The following DCUN1D4 variants were observed in gnomAD, a reference collection of about 807,000 sequenced individuals.
DCUN1D4 encodes DCN1-like protein 4.
A neutral mutation model predicts 47.9 loss-of-function variants in DCUN1D4; 22 were observed. The ratio of observed to expected loss-of-function variants is 0.46; its 90% CI spans 0.33 to 0.66. The LOEUF (loss-of-function observed/expected upper bound fraction) is 0.66. Among genes scored for constraint, DCUN1D4 ranks in the 30% least tolerant of loss-of-function variants. The pLI is 0.02. For missense variants in DCUN1D4, 301 were observed against 340.8 expected, an observed-to-expected ratio of 0.88 and a Z score of 0.92; for synonymous variants, 121 against 112.2, an observed-to-expected ratio of 1.08 and a Z score of -0.50.
chr4:51,838,964 A>C (rs1274163273), upstream of DCUN1D4, among the ~76,000 whole-genome samples: 1 of 152,098 alleles, frequency 6.6e-6, no homozygotes, highest in Non-Finnish European at 1.5e-5. Flanking sequence ...AATCCCAGCT[A>C]CTTGAGAGGC....
chr4:51,853,625 A>C (rs1011969247), intron 1 of DCUN1D4, among the ~76,000 whole-genome samples: 1 of 152,172 alleles, frequency 6.6e-6, no homozygotes, highest in African/African-American at 2.4e-5. Context: ...GCATGTTAGA[A>C]TCACCTGGGC....
At chr4:51,888,265 G>GGATT (rs894470859) in intron 6 of DCUN1D4, among the ~76,000 whole-genome samples, 6 of 152,026 alleles carry the variant, frequency 3.9e-5, no homozygotes, top group Admixed American at 3.9e-4. Flanking sequence ...GGTATGTGAG[G>GGATT]GATTAGCTGA....
chr4:51,841,237 C>T (rs1411133079), upstream of DCUN1D4, among the ~76,000 whole-genome samples: 2 of 150,328 alleles, frequency 1.3e-5, no homozygotes, highest in African/African-American at 4.9e-5. Context: ...CCATGGTAAA[C>T]GGTAAAAAAA....
Position 51,916,321 on chromosome 4 carries a change from T to C in DCUN1D4, c.*2737T>C, listed in dbSNP as rs994672828. On this transcript the variant is annotated 3_prime_UTR_variant, in exon 11 of 11. Transcript: ENST00000334635. Reference sequence around the variant, plus strand: ...TTTTTGAAGCATGAACTCTGAATTATGTTTTTATAAATCTGACTAGGCAAA... The same window carrying C: ...TTTTTGAAGCATGAACTCTGAATTACGTTTTTATAAATCTGACTAGGCAAA... The C allele has an allele frequency of 4.6e-5, 7 of 152,514 alleles. No individual in the cohort carries two copies. Among genetic ancestry groups the C allele is most frequent in the African/African-American group, 1.7e-4 (7 of 41,428 alleles). The allele number at this position is 152,514 out of a possible 1,614,324, so 9.4% of individuals were successfully genotyped here. A position where few individuals can be genotyped will look rare whatever the true frequency, so the allele number is the denominator to read the frequency against.
the DCUN1D4 span, among the ~76,000 whole-genome samples, chr4:51,835,694 T>C: frequency 6.6e-6 from 1 of 151,818 alleles, no homozygotes. Context: ...AGGAGCTGCT[T>C]GGGGCCTCGG....
At chr4:51,856,718 A>T (rs1478186078) in intron 1 of DCUN1D4, among the ~76,000 whole-genome samples, 11 of 152,236 alleles carry the variant, frequency 7.2e-5, no homozygotes, top group African/African-American at 2.7e-4. Flanking sequence ...AACATGAACC[A>T]TTGAGTGCCT....
At chr4:51,862,410 G>A (rs754904380) in intron 1 of DCUN1D4, among the ~76,000 whole-genome samples, 4 of 152,196 alleles carry the variant, frequency 2.6e-5, no homozygotes, top group Non-Finnish European at 4.4e-5. Flanking sequence ...TCCAGCCCAA[G>A]CACAGACACC....
intron 1 of DCUN1D4, among the ~76,000 whole-genome samples, chr4:51,861,178 C>T (rs979117832): frequency 3.9e-5 from 6 of 152,072 alleles, no homozygotes; most frequent in African/African-American, 1.4e-4. Context: ...ATTGGTAGAC[C>T]TGAGATTTGA....
chr4:51,852,488 A>T (rs939808443), intron 1 of DCUN1D4, among the ~76,000 whole-genome samples: 2 of 152,186 alleles, frequency 1.3e-5, no homozygotes, highest in Non-Finnish European at 2.9e-5. Flanking sequence ...TAAGCCACAG[A>T]TCACTTCTTA....
chr4:51,904,545 G>A (rs1336757948), intron 8 of DCUN1D4, among the ~76,000 whole-genome samples: 2 of 152,184 alleles, frequency 1.3e-5, no homozygotes, highest in East Asian at 1.9e-4. Flanking sequence ...AAGATTGCTA[G>A]GCTCAGTTTT....
chr4:51,850,287 T>C (rs887141491), intron 1 of DCUN1D4, among the ~76,000 whole-genome samples: 3 of 152,208 alleles, frequency 2.0e-5, no homozygotes, highest in African/African-American at 7.2e-5. Context: ...CGCACAGAAG[T>C]GTCTTGAGTT....
intron 1 of DCUN1D4, among the ~76,000 whole-genome samples, chr4:51,857,044 AC>A (rs1222325564): frequency 6.6e-6 from 1 of 152,114 alleles, no homozygotes; most frequent in East Asian, 1.9e-4. Flanking sequence ...CTCGACTCAT[AC>A]CGTATTGTGA....
chr4:51,846,431 C>A (rs1722558008), intron 1 of DCUN1D4, among the ~76,000 whole-genome samples: 1 of 152,108 alleles, frequency 6.6e-6, no homozygotes, highest in African/African-American at 2.4e-5. Context: ...CTCTGTGTAC[C>A]CCTACTGGCA....
Position 51,899,337 on chromosome 4 carries a change from A to G in DCUN1D4, c.574A>G (p.Asn192Asp). 1.2e-6 allele frequency: 2 copies of G among 1,608,930 alleles called. No homozygotes were observed. Among genetic ancestry groups the G allele is most frequent in the South Asian group, 2.2e-5 (2 of 90,184 alleles). ...YLRSFLNDST[N>D]FKLIYRYAFD... ...AAGATCATTCTTAAATGATTCTACA[A>G]ACTTTAAACTTATTTACAGATATGC... Residue 192 changes from asparagine (N) to aspartate (D), a missense_variant, in exon 8 of 11, where the codon AAC (asparagine) becomes GAC (aspartate). By Grantham distance (23) the Asn-to-Asp change is conservative. This residue lies in a region of DCUN1D4 where 170 missense variants were observed against 234.5 expected (regional missense o/e 0.73). Transcript: ENST00000334635.
chr4:51,862,162 A>G (rs1016577629), intron 1 of DCUN1D4, among the ~76,000 whole-genome samples: 1 of 152,298 alleles, frequency 6.6e-6, no homozygotes, highest in African/African-American at 2.4e-5. Context: ...GGTTTTGGGG[A>G]CCATTCTATA....
chr4:51,878,915 T>C (rs1181963567), intron 5 of DCUN1D4, among the ~76,000 whole-genome samples: 3 of 152,204 alleles, frequency 2.0e-5, no homozygotes, highest in Admixed American at 2.0e-4. Flanking sequence ...GCAACCCTTT[T>C]TGTGATAAGA....
At chr4:51,836,975 G>T in the DCUN1D4 span, among the ~76,000 whole-genome samples, 16 of 152,284 alleles carry the variant, frequency 1.1e-4, no homozygotes, top group African/African-American at 3.9e-4. Flanking sequence ...ATACACAGAA[G>T]CCATTATCCA....
At chr4:51,848,065 T>G in intron 1 of DCUN1D4, 1 of 547,988 alleles carries the variant, frequency 1.8e-6, no homozygotes, top group South Asian at 2.0e-5. Flanking sequence ...TCTAGAAAAA[T>G]TAATTCTTCC....
At chr4:51,881,711 A>C (rs1728667314) in intron 5 of DCUN1D4, among the ~76,000 whole-genome samples, 1 of 151,638 alleles carries the variant, frequency 6.6e-6, no homozygotes, top group Non-Finnish European at 1.5e-5. Flanking sequence ...CTCAAACTTC[A>C]CTTCTAACCC....
Sources: gnomAD v4.1 joint callset for allele counts (sites outside exome capture counted in the v4.1 genomes callset) on GRCh38, gnomAD v4.1.1 for gene constraint, gnomAD v4.1.1 regional missense constraint, MANE v1.5 for transcripts, NCBI Gene and HGNC (gene_info 2026-07-23, HGNC 2026-07-21) for gene names.